IGF2: variants seen among roughly 807,000 people sequenced by gnomAD.
IGF2 encodes the protein insulin-like growth factor 2.
IGF2 carries 2 observed loss-of-function variants against 12.0 expected under a neutral mutation model. That is an observed-to-expected ratio of 0.17 (90% CI 0.07 to 0.52). IGF2 has a LOEUF of 0.52. Ranked by LOEUF, IGF2 falls within the 20% of genes least tolerant of loss-of-function variation. The pLI, the probability that IGF2 is intolerant of heterozygous loss-of-function variation, is 0.95. For missense variants in IGF2, 211 were observed against 268.0 expected (o/e 0.79, Z 1.48); for synonymous variants, 105 against 110.1 (o/e 0.95, Z 0.29).
chr11:2,133,131 G>A lies in IGF2; in HGVS notation c.399C>T (p.Leu133=), dbSNP rs1489614216. The A allele has an allele frequency of 5.6e-6, 9 of 1,606,102 alleles. No individual in the cohort carries two copies. Among genetic ancestry groups the A allele is most frequent in the African/African-American group, 4.0e-5 (3 of 74,704 alleles). ...GCACGTGACCCCGGCGGGCACGCAG[G>A]AGGGCAGGCAGGCCCCTGCGCAGGC... is the stretch of plus-strand genomic sequence containing the variant. ...TQRLRRGLPA[L]LRARRGHVLA... is the part of the protein sequence containing the mutation. Residue 133 remains leucine (L), a synonymous_variant, in exon 4 of 4, where the codon CTC becomes CTT. Transcript: ENST00000416167. This position sits in a 1 kb window ranked among gnomAD's most constrained non-coding sequence, Gnocchi z 8.9.
intron 1 of IGF2, chr11:2,137,236 G>A: frequency 4.0e-6 from 4 of 991,096 alleles, no homozygotes; most frequent in Non-Finnish European, 4.8e-6. Flanking sequence ...AGGAGGAAGA[G>A]GAGGAGGAGG....
Position 2,138,388 on chromosome 11 carries a change from T to TGC in IGF2, c.-167_-166insGC, listed in dbSNP as rs1564898872. ...GCAGAGCGGGGGGATGGCTTTTTTT[T>TGC]GGGGGGGGGGGGAGAATTCGTCTGA... is the stretch of plus-strand genomic sequence containing the variant. On this transcript the variant is annotated 5_prime_UTR_variant, in exon 1 of 4. Transcript: ENST00000416167. 3 of 128,482 alleles carry TGC rather than the reference T, an allele frequency of 2.3e-5. No individual in the cohort carries two copies. Among genetic ancestry groups the TGC allele is most frequent in the Non-Finnish European group, 3.2e-5 (3 of 93,414 alleles). 8.0% of individuals were successfully genotyped at this position (128,482 alleles called of 1,614,324 possible). A position where few individuals can be genotyped will look rare whatever the true frequency, so the allele number is the denominator to read the frequency against.
At chr11:2,140,452 GC>G, upstream of IGF2, 2 of 495,102 alleles carry the variant, frequency 4.0e-6, no homozygotes, top group Non-Finnish European at 6.3e-6. Context: ...GGCCCCCCTC[GC>G]CCCCCTCGCT....
At chr11:2,145,552 C>A (rs1398128368), upstream of IGF2, among the ~76,000 whole-genome samples, 5 of 152,216 alleles carry the variant, frequency 3.3e-5, no homozygotes, top group Non-Finnish European at 5.9e-5. Context: ...GTTTGGGGGT[C>A]CCTTCCCTTT....
In IGF2 at chr11:2,130,526, C is replaced by T. The variant is rs1858465351; in HGVS notation, c.*2461G>A. The T allele has an allele frequency of 5.5e-6, 1 of 181,790 alleles. No individual in the cohort carries two copies. 11.3% of individuals were successfully genotyped at this position (181,790 alleles called of 1,614,324 possible). ...TGCTTTTGTCACTGCCCCCCTGTTA[C>T]ATGGGGGGGGGGTTTAATTTGGTTT... On this transcript the variant is annotated 3_prime_UTR_variant, in exon 4 of 4. Transcript: ENST00000416167.
upstream of IGF2, chr11:2,146,118 T>G: frequency 4.5e-6 from 2 of 445,590 alleles, 1 homozygote; most frequent in South Asian, 3.4e-5. Context: ...AGGATGAACA[T>G]CCCCTCAAGG....
intron 1 of IGF2, among the ~76,000 whole-genome samples, 194 bp downstream of exon 1, chr11:2,138,035 C>T (rs1263362847): frequency 2.0e-5 from 3 of 151,982 alleles, no homozygotes; most frequent in Admixed American, 6.5e-5. Context: ...AGGGTGAGCG[C>T]GGGGCTCCGC....
At chr11:2,144,897 G>A (rs1859824032), upstream of IGF2, among the ~76,000 whole-genome samples, 1 of 152,136 alleles carries the variant, frequency 6.6e-6, no homozygotes, top group Non-Finnish European at 1.5e-5. Context: ...GCTAGAAGGG[G>A]GGCATCTCAA....
chr11:2,135,953 G>T (rs868201880), intron 1 of IGF2, among the ~76,000 whole-genome samples: 8 of 152,122 alleles, frequency 5.3e-5, no homozygotes, highest in African/African-American at 1.9e-4. Flanking sequence ...GGCCTCCAGC[G>T]CCAGCCAAGA....
upstream of IGF2, among the ~76,000 whole-genome samples, chr11:2,143,196 T>C (rs1859703086): frequency 6.6e-6 from 1 of 152,146 alleles, no homozygotes; most frequent in Non-Finnish European, 1.5e-5. Flanking sequence ...GGAAGCAATT[T>C]TCATACTCTG....
rs1858393629 is a variant in IGF2, at chr11:2,129,564, C to G, written c.*3423G>C. ...ACGAATGGGCAGGTAATTTGGGGTGCCTCGAAGCGTTTTGGATCTCAGGCC... is the reference window on the plus strand; with the variant it reads ...ACGAATGGGCAGGTAATTTGGGGTGGCTCGAAGCGTTTTGGATCTCAGGCC... On this transcript the variant is annotated 3_prime_UTR_variant, in exon 4 of 4. Transcript: ENST00000416167. This position sits in a 1 kb window ranked among gnomAD's most constrained non-coding sequence, Gnocchi z 8.1. 1 of 228,130 alleles carries G rather than the reference C, an allele frequency of 4.4e-6. No individual in the cohort carries two copies. Among genetic ancestry groups the G allele is most frequent in the African/African-American group, 2.2e-5 (1 of 44,974 alleles). 14.1% of individuals were successfully genotyped at this position (228,130 alleles called of 1,614,324 possible). A position where few individuals can be genotyped will look rare whatever the true frequency, so the allele number is the denominator to read the frequency against.
rs1858554083 is a variant in IGF2, at chr11:2,131,562, TG to T, written c.*1424del. On this transcript the variant is annotated 3_prime_UTR_variant, in exon 4 of 4. Transcript: ENST00000416167. ...GTGCTGTGTGTGCATGTGTGTGCTG[TG>T]TGTTTGTGTGTGTGCTGTGTTCATG... 1.2e-5 allele frequency: 2 copies of T among 167,606 alleles called. No homozygotes were observed. Among genetic ancestry groups the T allele is most frequent in the Non-Finnish European group, 2.4e-5 (2 of 82,432 alleles). 10.4% of individuals were successfully genotyped at this position (167,606 alleles called of 1,614,324 possible). A position where few individuals can be genotyped will look rare whatever the true frequency, so the allele number is the denominator to read the frequency against.
In IGF2 at chr11:2,133,100, T is replaced by TGGCGAGCAC; in HGVS notation, c.421_429dup (p.Val141_Ala143dup). ...GCCTCCCTGAACGCCTCGAGCTCCT[T>TGGCGAGCAC]GGCGAGCACGTGACCCCGGCGGGCA... On this transcript the variant is annotated inframe_insertion, in exon 4 of 4. Coordinates refer to ENST00000416167, the MANE Select transcript of IGF2 (RefSeq NM_000612.6). The surrounding 1 kb of genome is among the most constrained non-coding windows in gnomAD (Gnocchi z 8.9). The TGGCGAGCAC allele has an allele frequency of 6.2e-7, 1 of 1,607,860 alleles. No individual in the cohort carries two copies. Among genetic ancestry groups the TGGCGAGCAC allele is most frequent in the South Asian group, 1.1e-5 (1 of 90,574 alleles).
chr11:2,139,709 C>T (rs1254465817), upstream of IGF2, among the ~76,000 whole-genome samples: 3 of 151,776 alleles, frequency 2.0e-5, no homozygotes, highest in Non-Finnish European at 4.4e-5. Context: ...TCCCGGGTTT[C>T]TGGGGTGCCC....
chr11:2,140,004 G>T, upstream of IGF2: 1 of 807,632 alleles, frequency 1.2e-6, no homozygotes, highest in Non-Finnish European at 1.8e-6. Flanking sequence ...GAGCCCCGGA[G>T]CCCCCGCCAG....
In IGF2 at chr11:2,138,748, G is replaced by A. The variant is rs1262627323; in HGVS notation, c.-526C>T. ...GCTAGGAGCTGGGGGGGACGGGAGG[G>A]AGCGAAGGGAAGGTTGCGGGAGAAA... On this transcript the variant is annotated 5_prime_UTR_variant, in exon 1 of 4. Transcript: ENST00000416167. 4.1e-6 allele frequency: 2 copies of A among 492,594 alleles called. No individual in the cohort carries two copies. Among genetic ancestry groups the A allele is most frequent in the Non-Finnish European group, 5.2e-6 (2 of 383,580 alleles). 30.5% of individuals were successfully genotyped at this position (492,594 alleles called of 1,614,324 possible).
upstream of IGF2, among the ~76,000 whole-genome samples, chr11:2,145,661 C>G (rs950983489): frequency 3.9e-5 from 6 of 152,196 alleles, no homozygotes; most frequent in East Asian, 1.2e-3. Flanking sequence ...TGAGGGTCAC[C>G]TTGGGGTGCC....
chr11:2,144,002 G>C (rs1347899430), upstream of IGF2, among the ~76,000 whole-genome samples: 1 of 152,212 alleles, frequency 6.6e-6, no homozygotes, highest in African/African-American at 2.4e-5. Context: ...CGGGCGGCGC[G>C]GGCAGGTAGC....
chr11:2,129,457 CGCAAGGGGCTGGTCG>C lies in IGF2; in HGVS notation c.*3515_*3529del, dbSNP rs1271788152. ...CAGGGGAGAGCTGCAAACCTGGGGACGCAAGGGGCTGGTCGGCAAGTGCCCCCGGGAACACCCACT... is the reference window on the plus strand; with the variant it reads ...CAGGGGAGAGCTGCAAACCTGGGGACGCAAGTGCCCCCGGGAACACCCACT... On this transcript the variant is annotated 3_prime_UTR_variant, in exon 4 of 4. Transcript: ENST00000416167. The surrounding 1 kb of genome is among the most constrained non-coding windows in gnomAD (Gnocchi z 8.1). 2 of 229,500 alleles carry C rather than the reference CGCAAGGGGCTGGTCG, an allele frequency of 8.7e-6. No individual in the cohort carries two copies. The highest frequency in any genetic ancestry group is 1.7e-5 in the Non-Finnish European group (2 of 115,722). 14.2% of individuals were successfully genotyped at this position (229,500 alleles called of 1,614,324 possible). A position where few individuals can be genotyped will look rare whatever the true frequency, so the allele number is the denominator to read the frequency against.
Sources: gnomAD v4.1 joint callset for allele counts (sites outside exome capture counted in the v4.1 genomes callset) on GRCh38, gnomAD v4.1.1 for gene constraint, Gnocchi (gnomAD v3.1) non-coding constraint, MANE v1.5 for transcripts, NCBI Gene and HGNC (gene_info 2026-07-23, HGNC 2026-07-21) for gene names.